The following KIF7 variants were observed in gnomAD, a reference collection of about 807,000 sequenced individuals.
KIF7 encodes the protein kinesin-like protein KIF7.
KIF7 carries 104 observed loss-of-function variants against 135.7 expected under a neutral mutation model. The observed-to-expected ratio is 0.77, with a 90% confidence interval of 0.65 to 0.90. The LOEUF is 0.90. Ranked by LOEUF, KIF7 falls within the 40% of genes least tolerant of loss-of-function variation. KIF7 has a pLI of 0.00. For synonymous variants in KIF7, 883 were observed against 809.4 expected, an observed-to-expected ratio of 1.09 and a Z score of -1.54; for missense variants, 2,005 against 1,839.1, an observed-to-expected ratio of 1.09 and a Z score of -1.65.
chr15:89,648,267 G>C lies in KIF7; in HGVS notation c.1431C>G (p.Ala477=). 6.6e-7 allele frequency: 1 copy of C among 1,517,174 alleles called. No individual in the cohort carries two copies. The highest frequency in any genetic ancestry group is 8.8e-7 in the Non-Finnish European group (1 of 1,135,264). The allele number at this position is 1,517,174 out of a possible 1,614,324, so 94.0% of individuals were successfully genotyped here. Residue 477 remains alanine (A), a synonymous_variant, in exon 5 of 19, where the codon GCC becomes GCG. Transcript: ENST00000394412. ...ASVEDQAAQG[A]GGRKEDEGAQ... ...GTCCCTCGGCCACCTTTCGCCCGCCGGCCCCCTGCGCCGCCTGGTCCTCGA... is the reference window on the plus strand; with the variant it reads ...GTCCCTCGGCCACCTTTCGCCCGCCCGCCCCCTGCGCCGCCTGGTCCTCGA...
intron 15 of KIF7, 46 bp downstream of exon 15, chr15:89,631,449 G>A (rs958254942): frequency 2.2e-5 from 32 of 1,477,130 alleles, no homozygotes; most frequent in African/African-American, 4.2e-5. Flanking sequence ...CAGACAGACA[G>A]GCATACAATG....
downstream of KIF7, chr15:89,625,067 C>T (rs1426061437): frequency 3.1e-6 from 5 of 1,613,970 alleles, no homozygotes; most frequent in South Asian, 1.1e-5. Context: ...TCATTAGAGG[C>T]TGAGCCCCTC....
chr15:89,632,077 C>T lies in KIF7; in HGVS notation c.2896-367G>A, dbSNP rs915005432. On this transcript the variant is annotated intron_variant, in intron 14 of 18. Transcript: ENST00000394412. ...TAAAGGCCTTTCTGGGAGCCAGATG[C>T]GGGAGGAAGTGAGGGCTCTCCTGGC... is the stretch of plus-strand genomic sequence containing the variant. Among the ~76,000 whole-genome samples, 10 of 152,158 alleles carry T rather than the reference C, an allele frequency of 6.6e-5. No homozygotes were observed. In the East Asian group the frequency reaches 7.7e-4, roughly 12 times the overall value.
chr15:89,643,341 C>A (rs1379684169), intron 10 of KIF7, among the ~76,000 whole-genome samples: 1 of 152,146 alleles, frequency 6.6e-6, no homozygotes. Flanking sequence ...TGTAAGAAAT[C>A]TAGAGATGAT....
At chr15:89,642,092 A>T in intron 11 of KIF7, 111 bp downstream of exon 11, 1 of 1,154,462 alleles carries the variant, frequency 8.7e-7, no homozygotes, top group South Asian at 1.4e-5. Context: ...GCTGGAGCAC[A>T]AGGTTCCACA....
Position 89,645,937 on chromosome 15 carries a change from T to C in KIF7, c.1878A>G (p.Glu626=). The change falls in exon 8 of 19, where the codon GAA becomes GAG. Residue 626 remains glutamate, a synonymous_variant. Transcript: ENST00000394412. ...GSGSSAASEE[E]EEEEEPPRRT... ...GCCTGGGCGGCTCCTCCTCCTCCTC[T>C]TCCTCCTCTGAAGCAGCTGAAGAGC... 1.9e-6 allele frequency: 3 copies of C among 1,613,784 alleles called. No individual in the cohort carries two copies. Among genetic ancestry groups the C allele is most frequent in the Non-Finnish European group, 2.5e-6 (3 of 1,179,964 alleles).
chr15:89,657,505 G>A (rs1416455937), upstream of KIF7, among the ~76,000 whole-genome samples: 2 of 152,102 alleles, frequency 1.3e-5, no homozygotes, highest in South Asian at 2.1e-4. Context: ...GATGTGCAGT[G>A]TTTTTCTGTG....
chr15:89,660,266 G>T (rs1051274847), upstream of KIF7, among the ~76,000 whole-genome samples: 15 of 152,182 alleles, frequency 9.9e-5, no homozygotes, highest in Admixed American at 7.2e-4. Context: ...GAGATTACAA[G>T]TTACCCCCAT....
chr15:89,629,696 C>T (rs1310191670), intron 16 of KIF7, 123 bp from the exon 17 acceptor site: 1 of 1,318,846 alleles, frequency 7.6e-7, no homozygotes, highest in African/African-American at 1.4e-5. Context: ...CCAGGGTCTT[C>T]CCTGCTGAGC....
intron 10 of KIF7, among the ~76,000 whole-genome samples, chr15:89,644,446 G>A (rs1281345220): frequency 1.3e-5 from 2 of 151,928 alleles, no homozygotes; most frequent in Admixed American, 6.6e-5. Context: ...ACACTGAGGC[G>A]GGTGGATCAC....
intron 10 of KIF7, 75 bp from the exon 11 acceptor site, chr15:89,642,480 G>C (rs1034580615): frequency 2.2e-6 from 3 of 1,360,382 alleles, no homozygotes; most frequent in Admixed American, 2.1e-5. Flanking sequence ...CCCCTGGGAG[G>C]TTTCCCAGCC....
intron 10 of KIF7, among the ~76,000 whole-genome samples, chr15:89,644,675 C>T (rs1963979160): frequency 6.6e-6 from 1 of 152,058 alleles, no homozygotes; most frequent in African/African-American, 2.4e-5. Context: ...ACGAGTGAAA[C>T]TCTTTCTCAA....
upstream of KIF7, among the ~76,000 whole-genome samples, chr15:89,657,290 G>A (rs973144554): frequency 7.4e-6 from 1 of 134,600 alleles, no homozygotes. Flanking sequence ...CAACCTGTGT[G>A]AGAGAGTGAG....
At chr15:89,650,390 C>T (rs1964104937) in intron 2 of KIF7, among the ~76,000 whole-genome samples, 2 of 152,170 alleles carry the variant, frequency 1.3e-5, no homozygotes, top group Admixed American at 1.3e-4. Flanking sequence ...GGAGATCTGG[C>T]CAAATCAACT....
intron 15 of KIF7, 71 bp downstream of exon 15, chr15:89,631,424 A>G (rs1963672422): frequency 2.9e-6 from 4 of 1,363,882 alleles, no homozygotes; most frequent in Non-Finnish European, 4.0e-6. Context: ...GGGCTGGAGC[A>G]AGGGCTGAGG....
At chr15:89,623,402 G>A (rs1424962397), downstream of KIF7, among the ~76,000 whole-genome samples, 5 of 152,162 alleles carry the variant, frequency 3.3e-5, no homozygotes, top group Admixed American at 1.3e-4. Context: ...TTTGTTCTAG[G>A]ACAAACTAAA....
chr15:89,642,449 C>A, intron 10 of KIF7, 44 bp from the exon 11 acceptor site: 8 of 1,505,934 alleles, frequency 5.3e-6, no homozygotes, highest in Non-Finnish European at 7.2e-6. Flanking sequence ...CCTGCTCCAC[C>A]GAGAGGGCCA....
At chr15:89,629,173 G>T in intron 17 of KIF7, 51 bp from the exon 18 acceptor site, 1 of 1,570,290 alleles carries the variant, frequency 6.4e-7, no homozygotes, top group Non-Finnish European at 8.6e-7. Flanking sequence ...GGCGGGGCAG[G>T]CGGCCAGGGC....
chr15:89,629,111 C>T lies in KIF7; in HGVS notation c.3529G>A (p.Glu1177Lys). The change falls in exon 18 of 19, where the codon GAA (glutamate) becomes AAA (lysine). Residue 1177 changes from glutamate to lysine, a missense_variant. Physicochemically the swap from Glu to Lys is moderately conservative, Grantham distance 56. Transcript: ENST00000394412. ...TGCCTCCTGCTGTCTGCTAACCCTTCACCGAGGTGGTCTAGAGTGGAAAGG... is the reference window on the plus strand; with the variant it reads ...TGCCTCCTGCTGTCTGCTAACCCTTTACCGAGGTGGTCTAGAGTGGAAAGG... ...LLQQSRDHLGEGLADSRRQYE... is the reference protein window; with the variant it reads ...LLQQSRDHLGKGLADSRRQYE... The T allele has an allele frequency of 6.2e-7, 1 of 1,612,556 alleles. No individual in the cohort carries two copies.
Sources: gnomAD v4.1 joint callset for allele counts (sites outside exome capture counted in the v4.1 genomes callset) on GRCh38, gnomAD v4.1.1 for gene constraint, MANE v1.5 for transcripts, NCBI Gene and HGNC (gene_info 2026-07-23, HGNC 2026-07-21) for gene names.